ERBB4: variants seen among roughly 807,000 people sequenced by gnomAD.
ERBB4 encodes the protein erb-b2 receptor tyrosine kinase 4, also known as receptor tyrosine-protein kinase erbB-4.
A neutral mutation model predicts 158.0 loss-of-function variants in ERBB4; 42 were observed. That is an observed-to-expected ratio of 0.27 (90% CI 0.21 to 0.34). The LOEUF is 0.34. ERBB4 is among the 10% of genes least tolerant of loss of function. The pLI, the probability that ERBB4 is intolerant of heterozygous loss-of-function variation, is 1.00. For synonymous variants in ERBB4, 583 were observed against 558.7 expected (o/e 1.04, Z -0.61); for missense variants, 1,333 against 1,624.1 (o/e 0.82, Z 3.08).
chr2:211,826,429 C>T lies in ERBB4; in HGVS notation c.422-38270G>A, dbSNP rs1243352623. 2.0e-5 allele frequency among the ~76,000 whole-genome samples: 3 copies of T among 151,754 alleles called. No homozygotes were observed. In the South Asian group the frequency reaches 6.2e-4, roughly 31 times the overall value. On this transcript the variant is annotated intron_variant, in intron 3 of 27. Coordinates refer to ENST00000342788, the MANE Select transcript of ERBB4 (RefSeq NM_005235.3). The stretch of plus-strand genomic sequence containing the variant: ...AGTTATGAATCATAAAAATATATTT[C>T]AATGCAGGTCCCTATTGTGTTTCCA...
chr2:211,392,560 A>ACG (rs2062820903), intron 25 of ERBB4, among the ~76,000 whole-genome samples: 1 of 114,276 alleles, frequency 8.8e-6, no homozygotes, highest in Non-Finnish European at 1.8e-5. Context: ...CTCTTACTCC[A>ACG]CACACACACA....
At position 211,378,091 on chromosome 2, in the gene ERBB4, G is replaced by A. The variant is rs2062510324; in HGVS notation, c.*5524C>T. On this transcript the variant is annotated 3_prime_UTR_variant, in exon 28 of 28. Coordinates refer to ENST00000342788, the MANE Select transcript of ERBB4 (RefSeq NM_005235.3). ...AGCATCGGGGGACTACTTTGAACCA[G>A]GGTGGTAGAAAGGGAAGAGAGCAGT... 2 of 233,054 alleles carry A rather than the reference G, an allele frequency of 8.6e-6. No individual in the cohort carries two copies. The highest frequency in any genetic ancestry group is 8.5e-6 in the Non-Finnish European group (1 of 117,744). The allele number at this position is 233,054 out of a possible 1,614,324, so 14.4% of individuals were successfully genotyped here. A position where few individuals can be genotyped will look rare whatever the true frequency, so the allele number is the denominator to read the frequency against.
chr2:211,452,800 T>C (rs1053347151), intron 20 of ERBB4, among the ~76,000 whole-genome samples: 1 of 152,206 alleles, frequency 6.6e-6, no homozygotes. Context: ...GGGTTTTACC[T>C]GAAATATCAG....
intron 2 of ERBB4, among the ~76,000 whole-genome samples, chr2:212,011,888 G>T (rs2076397279): frequency 6.6e-6 from 1 of 152,124 alleles, no homozygotes. Context: ...TTCATTAGGG[G>T]TTGCAAAGTT....
At chr2:211,520,003 G>A (rs908242413) in intron 20 of ERBB4, among the ~76,000 whole-genome samples, 1 of 152,176 alleles carries the variant, frequency 6.6e-6, no homozygotes, top group African/African-American at 2.4e-5. Flanking sequence ...ATGTGAGGAG[G>A]GGAAGCCTTT....
chr2:212,451,064 C>A (rs2092439089), intron 1 of ERBB4, among the ~76,000 whole-genome samples: 2 of 151,988 alleles, frequency 1.3e-5, no homozygotes, highest in African/African-American at 4.8e-5. Flanking sequence ...ATACTAGGCT[C>A]CCTATTATGA....
At position 211,589,760 on chromosome 2, in the gene ERBB4, A is replaced by C. The variant is rs565470819; in HGVS notation, c.2302-27672T>G. On this transcript the variant is annotated intron_variant, in intron 19 of 27. Coordinates refer to ENST00000342788, the MANE Select transcript of ERBB4 (RefSeq NM_005235.3). ...CTGAATTCAAAATTGATCATTAACT[A>C]TAAAAAAAACTATTGTAAAAATGAT... is the stretch of plus-strand genomic sequence containing the variant. 2.0e-5 allele frequency among the ~76,000 whole-genome samples: 3 copies of C among 152,292 alleles called. No homozygotes were observed. The South Asian group carries it at 6.2e-4, about 32-fold the overall frequency.
chr2:212,505,435 A>AATT, intron 1 of ERBB4, among the ~76,000 whole-genome samples: 1 of 124,178 alleles, frequency 8.1e-6, no homozygotes, highest in Non-Finnish European at 2.0e-5. Flanking sequence ...TTAAACATCA[A>AATT]GTGAGGACAC....
chr2:211,378,426 A>C lies in ERBB4; in HGVS notation c.*5189T>G. On this transcript the variant is annotated 3_prime_UTR_variant, in exon 28 of 28. Transcript: ENST00000342788. ...CCTCTACAAAATCAGTGAGACTTGAACCGAGTATCTGAAATTTCTATTATT... is the reference window on the plus strand; with the variant it reads ...CCTCTACAAAATCAGTGAGACTTGACCCGAGTATCTGAAATTTCTATTATT... The C allele has an allele frequency of 4.3e-6, 1 of 232,754 alleles. No homozygotes were observed. The highest frequency in any genetic ancestry group is 8.5e-6 in the Non-Finnish European group (1 of 117,466). The allele number at this position is 232,754 out of a possible 1,614,324, so 14.4% of individuals were successfully genotyped here.
intron 3 of ERBB4, among the ~76,000 whole-genome samples, chr2:211,893,244 G>A (rs2079014627): frequency 6.9e-6 from 1 of 144,376 alleles, no homozygotes; most frequent in African/African-American, 2.7e-5. Context: ...AGAGCCCTCA[G>A]AAATAACACC....
intron 2 of ERBB4, among the ~76,000 whole-genome samples, chr2:211,972,706 A>T (rs1163275050): frequency 6.6e-6 from 1 of 152,234 alleles, no homozygotes; most frequent in Non-Finnish European, 1.5e-5. Flanking sequence ...AGCCATATGT[A>T]GAAGACTGAA....
Position 212,483,360 on chromosome 2 carries a change from G to A in ERBB4, c.82+55089C>T, listed in dbSNP as rs115177835. ...ACATCAATCAGAGGTAATTCTCACT[G>A]AATTTCCCTTTTTACAATACTTCTT... On this transcript the variant is annotated intron_variant, in intron 1 of 27. Transcript: ENST00000342788. Among the ~76,000 whole-genome samples, 805 of 152,308 alleles carry A rather than the reference G, an allele frequency of 5.3e-3. 2 individuals are homozygous for A. The highest frequency in any genetic ancestry group is 0.019 in the African/African-American group (772 of 41,568).
chr2:211,912,924 C>A (rs901326961), intron 3 of ERBB4, among the ~76,000 whole-genome samples: 1 of 152,182 alleles, frequency 6.6e-6, no homozygotes, highest in Admixed American at 6.5e-5. Flanking sequence ...TTTTGACAGG[C>A]AGGACTCTTT....
chr2:211,948,504 A>T (rs377473032), intron 2 of ERBB4, among the ~76,000 whole-genome samples: 38 of 149,486 alleles, frequency 2.5e-4, no homozygotes, highest in African/African-American at 8.6e-4. Flanking sequence ...CACATTTTTA[A>T]TTTTTACTGC....
chr2:212,185,229 C>T (rs1200376736), intron 1 of ERBB4, among the ~76,000 whole-genome samples: 1 of 151,786 alleles, frequency 6.6e-6, no homozygotes, highest in Non-Finnish European at 1.5e-5. Flanking sequence ...GCCATGTTGA[C>T]CAGGCTGGTC....
chr2:212,429,547 C>T lies in ERBB4; in HGVS notation c.82+108902G>A, dbSNP rs571673090. Among the ~76,000 whole-genome samples the T allele has an allele frequency of 1.1e-4, 16 of 152,344 alleles. No individual in the cohort carries two copies. In the South Asian group the frequency reaches 2.9e-3, roughly 28 times the overall value. ...ATATGACAGTTACCAAAATTTACTA[C>T]ATTTACTAAGTTCTTATGCCCACGG... is the stretch of plus-strand genomic sequence containing the variant. On this transcript the variant is annotated intron_variant, in intron 1 of 27. Transcript: ENST00000342788.
intron 1 of ERBB4, among the ~76,000 whole-genome samples, chr2:212,467,940 G>A (rs1424855308): frequency 6.6e-6 from 1 of 152,190 alleles, no homozygotes; most frequent in Non-Finnish European, 1.5e-5. Flanking sequence ...GCATCAGCAT[G>A]ACCTGGATGT....
intron 5 of ERBB4, among the ~76,000 whole-genome samples, chr2:211,733,896 C>T (rs1016007297): frequency 5.4e-5 from 8 of 147,480 alleles, no homozygotes; most frequent in African/African-American, 8.1e-5. Context: ...GCCTGGCCAA[C>T]ATGAAGAAAC....
chr2:212,418,746 T>C lies in ERBB4; in HGVS notation c.82+119703A>G, dbSNP rs930634143. ...ATTAAATAACTATAATTAGAAAAATTTTCCTCTTTAAAAGGCATAAATGAT... is the reference window on the plus strand; with the variant it reads ...ATTAAATAACTATAATTAGAAAAATCTTCCTCTTTAAAAGGCATAAATGAT... On this transcript the variant is annotated intron_variant, in intron 1 of 27. Transcript: ENST00000342788. 4.0e-5 allele frequency among the ~76,000 whole-genome samples: 6 copies of C among 151,674 alleles called. No individual in the cohort carries two copies. The East Asian group carries it at 1.2e-3, about 29-fold the overall frequency.
Sources: gnomAD v4.1 joint callset for allele counts (sites outside exome capture counted in the v4.1 genomes callset) on GRCh38, gnomAD v4.1.1 for gene constraint, MANE v1.5 for transcripts, NCBI Gene and HGNC (gene_info 2026-07-23, HGNC 2026-07-21) for gene names.